Variants in MEAK7 observed in about 807,000 individuals in gnomAD.
MEAK7 encodes the protein MTOR associated protein MEAK7.
MEAK7 carries 68 observed loss-of-function variants against 40.5 expected under a neutral mutation model. The observed-to-expected ratio is 1.68, with a 90% CI of 1.38 to 2.06. The LOEUF (loss-of-function observed/expected upper bound fraction) is 2.06, where lower values mean the gene tolerates loss of function less well. Ranked by LOEUF, MEAK7 falls within the 30% of genes most tolerant of loss-of-function variation. The pLI, the probability that MEAK7 is intolerant of heterozygous loss-of-function variation, is 0.00. For missense variants in MEAK7, 918 were observed against 580.5 expected (o/e 1.58, Z -5.98); for synonymous variants, 338 against 231.9 (o/e 1.46, Z -4.16).
chr16:84,480,856 T>C, intron 6 of MEAK7, 148 bp from the exon 7 acceptor site: 1 of 883,124 alleles, frequency 1.1e-6, no homozygotes, highest in Non-Finnish European at 1.6e-6. Flanking sequence ...TTTCCTTAAC[T>C]GTGAAATATA....
At chr16:84,482,801 C>G (rs1046146256) in intron 5 of MEAK7, 91 bp from the exon 6 acceptor site, 1 of 1,551,436 alleles carries the variant, frequency 6.4e-7, no homozygotes, top group African/African-American at 1.4e-5. Context: ...GCTCAGGAAG[C>G]AACAGGGCCA....
At chr16:84,492,749 T>A (rs1286607261) in intron 3 of MEAK7, among the ~76,000 whole-genome samples, 1 of 152,002 alleles carries the variant, frequency 6.6e-6, no homozygotes, top group Non-Finnish European at 1.5e-5. Context: ...GCCTGGCCAA[T>A]TTTTGTATTT....
intron 2 of MEAK7, 186 bp downstream of exon 2, chr16:84,497,748 C>A: frequency 7.5e-7 from 1 of 1,328,514 alleles, no homozygotes; most frequent in African/African-American, 1.5e-5. Context: ...AGCAGAGGAG[C>A]TACAACAGAG....
intron 3 of MEAK7, among the ~76,000 whole-genome samples, chr16:84,493,391 C>A (rs1913788468): frequency 6.6e-6 from 1 of 152,204 alleles, no homozygotes; most frequent in South Asian, 2.1e-4. Flanking sequence ...GAAAGGAAAA[C>A]TTCTAGGACT....
chr16:84,484,178 AC>A (rs2150627281), intron 5 of MEAK7, among the ~76,000 whole-genome samples: 1 of 152,242 alleles, frequency 6.6e-6, no homozygotes, highest in East Asian at 1.9e-4. Flanking sequence ...ATCCTAGTCC[AC>A]CCCCAAGGGC....
intron 5 of MEAK7, 103 bp downstream of exon 5, chr16:84,486,528 A>T: frequency 2.0e-6 from 3 of 1,480,776 alleles, no homozygotes; most frequent in Non-Finnish European, 2.7e-6. Flanking sequence ...AAACACTTGG[A>T]GAAGATGGGA....
chr16:84,501,200 G>C (rs1033789389), intron 1 of MEAK7, among the ~76,000 whole-genome samples: 42 of 151,572 alleles, frequency 2.8e-4, no homozygotes, highest in Middle Eastern at 3.5e-3. Flanking sequence ...GAGTGGAAAA[G>C]GTCCCAAAGG....
chr16:84,490,668 G>GTT (rs1913515639), intron 3 of MEAK7, among the ~76,000 whole-genome samples: 1 of 149,574 alleles, frequency 6.7e-6, no homozygotes, highest in Non-Finnish European at 1.5e-5. Context: ...GTGTGTGTGT[G>GTT]TGTGTGTGTG....
At chr16:84,484,888 G>A (rs1165770849) in intron 5 of MEAK7, among the ~76,000 whole-genome samples, 2 of 152,152 alleles carry the variant, frequency 1.3e-5, no homozygotes, top group Non-Finnish European at 2.9e-5. Flanking sequence ...CTTGGCCACT[G>A]CATTTTTCCC....
intron 1 of MEAK7, among the ~76,000 whole-genome samples, chr16:84,501,177 CAAGAAGA>C: frequency 6.9e-6 from 1 of 145,636 alleles, no homozygotes; most frequent in East Asian, 2.0e-4. Flanking sequence ...GGGGGTGTAA[CAAGAAGA>C]GTGAAGAGTG....
intron 6 of MEAK7, among the ~76,000 whole-genome samples, chr16:84,482,141 G>C (rs1028123617): frequency 7.9e-5 from 12 of 152,184 alleles, no homozygotes; most frequent in African/African-American, 2.9e-4. Context: ...TCACCAAGCT[G>C]AAGCGAGGGC....
At chr16:84,494,667 C>T in intron 3 of MEAK7, 2 of 351,892 alleles carry the variant, frequency 5.7e-6, no homozygotes, top group South Asian at 2.1e-5. Flanking sequence ...CTCTCTTCCT[C>T]CCCCACTATT....
chr16:84,498,334 TCA>T (rs1208477635), intron 1 of MEAK7, among the ~76,000 whole-genome samples: 2 of 152,136 alleles, frequency 1.3e-5, no homozygotes, highest in Non-Finnish European at 2.9e-5. Flanking sequence ...AGTGGTGCCA[TCA>T]CAGCTCCCTG....
rs182279057 is a variant in MEAK7 at position 84,499,202 on chromosome 16, G to A, written c.-25-1091C>T. Among the ~76,000 whole-genome samples, 5 of 152,284 alleles carry A rather than the reference G, an allele frequency of 3.3e-5. No homozygotes were observed. In the East Asian group the frequency reaches 9.6e-4, roughly 29 times the overall value. On this transcript the variant is annotated intron_variant, in intron 1 of 7. Coordinates refer to ENST00000343629, the MANE Select transcript of MEAK7 (RefSeq NM_020947.4). ...AAAGACAAGTGTCAAGCAATCGGGGGATTCAAACAAAAAAGCATGGTTGGA... is the reference window on the plus strand; with the variant it reads ...AAAGACAAGTGTCAAGCAATCGGGGAATTCAAACAAAAAAGCATGGTTGGA...
chr16:84,493,626 C>T (rs1419848205), intron 3 of MEAK7, among the ~76,000 whole-genome samples: 1 of 151,996 alleles, frequency 6.6e-6, no homozygotes, highest in Non-Finnish European at 1.5e-5. Context: ...AAACATAATC[C>T]CTTTCTGTCT....
rs1912336995 is a variant in MEAK7, at chr16:84,479,661, C to T, written c.*252G>A. ...GAGTTACTAATTTGACACAAGATTT[C>T]TTGGAGAGATCCTGAGGGTGACCCT... On this transcript the variant is annotated 3_prime_UTR_variant, in exon 8 of 8. Transcript: ENST00000343629. The T allele has an allele frequency of 2.7e-6, 1 of 363,746 alleles. No individual in the cohort carries two copies. Among genetic ancestry groups the T allele is most frequent in the Admixed American group, 4.6e-5 (1 of 21,644 alleles). 22.5% of individuals were successfully genotyped at this position (363,746 alleles called of 1,614,324 possible). A position where few individuals can be genotyped will look rare whatever the true frequency, so the allele number is the denominator to read the frequency against.
In MEAK7 at chr16:84,486,727, G is replaced by A. The variant is rs752864519; in HGVS notation, c.862C>T (p.His288Tyr). The A allele has an allele frequency of 5.6e-6, 9 of 1,614,018 alleles. No individual in the cohort carries two copies. The Middle Eastern group carries it at 6.6e-4, about 118-fold the overall frequency. Residue 288 changes from histidine (H) to tyrosine (Y), a missense_variant, in exon 5 of 8, where the codon CAC becomes TAC. Transcript: ENST00000343629. Reference sequence around the variant, plus strand: ...AGGACAGCCACACAGGGTCCCCGGTGAGTGATGTGGCCACAGAGCTGGGAG... The same window carrying A: ...AGGACAGCCACACAGGGTCCCCGGTAAGTGATGTGGCCACAGAGCTGGGAG... The part of the protein sequence containing the change: ...SFSQLCGHIT[H>Y]RGPCVAVLED...
chr16:84,486,662 A>G lies in MEAK7; in HGVS notation c.927T>C (p.Ser309=). ...ACTGAGGCTTCACCTCCCAAGAGCA[A>G]GAGGCAAACCCACCGAACACATGCT... The part of the protein sequence containing the change: ...HDKHVFGGFA[S]CSWEVKPQFQ... Residue 309 remains serine, a synonymous_variant, in exon 5 of 8, where the codon TCT becomes TCC. Transcript: ENST00000343629. 2 of 1,612,236 alleles carry G rather than the reference A, an allele frequency of 1.2e-6. No homozygotes were observed. Among genetic ancestry groups the G allele is most frequent in the Non-Finnish European group, 1.7e-6 (2 of 1,179,226 alleles).
intron 4 of MEAK7, chr16:84,487,659 G>A (rs954691031): frequency 6.5e-6 from 1 of 153,454 alleles, no homozygotes; most frequent in Non-Finnish European, 1.4e-5. Context: ...GGTTTCATTC[G>A]CCACTAATCA....
Sources: gnomAD v4.1 joint callset for allele counts (sites outside exome capture counted in the v4.1 genomes callset) on GRCh38, gnomAD v4.1.1 for gene constraint, MANE v1.5 for transcripts, NCBI Gene and HGNC (gene_info 2026-07-23, HGNC 2026-07-21) for gene names.